ENDOG: variants seen among roughly 807,000 people sequenced by gnomAD.
The protein encoded by ENDOG is endonuclease G, mitochondrial.
ENDOG carries 22 observed loss-of-function variants against 22.6 expected under a neutral mutation model. That is an observed-to-expected ratio of 0.97 (90% confidence interval 0.70 to 1.39). ENDOG has a LOEUF of 1.39. Among genes scored for constraint, ENDOG ranks in the 40% most tolerant of loss-of-function variants. ENDOG has a pLI of 0.00. For missense variants in ENDOG, 403 were observed against 431.3 expected, an observed-to-expected ratio of 0.93 and a Z score of 0.58; for synonymous variants, 173 against 200.2, an observed-to-expected ratio of 0.86 and a Z score of 1.15.
chr9:128,819,167 G>C lies in ENDOG; in HGVS notation c.483G>C (p.Leu161=). The C allele has an allele frequency of 6.7e-7, 1 of 1,496,752 alleles. No homozygotes were observed. Among genetic ancestry groups the C allele is most frequent in the East Asian group, 2.8e-5 (1 of 35,226 alleles). 92.7% of individuals were successfully genotyped at this position (1,496,752 alleles called of 1,614,324 possible). Residue 161 remains leucine, a synonymous_variant, in exon 1 of 3, where the codon CTG becomes CTC. Coordinates refer to ENST00000372642, the MANE Select transcript of ENDOG (RefSeq NM_004435.2). ...AGGCCATGGACGACACGTTCTACCT[G>C]AGCAACGTCGCGCCCCAGGTAGCGC... is the stretch of plus-strand genomic sequence containing the variant. ...SQKAMDDTFY[L]SNVAPQVPHL... is the part of the protein sequence containing the mutation.
chr9:128,818,598 C>G lies in ENDOG; in HGVS notation c.-87C>G, dbSNP rs890522193. 5.0e-5 allele frequency: 53 copies of G among 1,057,702 alleles called. No individual in the cohort carries two copies. In the African/African-American group the frequency reaches 9.0e-4, roughly 18 times the overall value. The allele number at this position is 1,057,702 out of a possible 1,614,324, so 65.5% of individuals were successfully genotyped here. A position where few individuals can be genotyped will look rare whatever the true frequency, so the allele number is the denominator to read the frequency against. ...GGAGGTCACGCTATCGTCCGCGGCC[C>G]CAGCAGCCCTGTGCCCTCGTTGGAT... is the stretch of plus-strand genomic sequence containing the variant. On this transcript the variant is annotated 5_prime_UTR_variant, in exon 1 of 3. Transcript: ENST00000372642.
intron 1 of ENDOG, chr9:128,820,462 C>T (rs1399770413): frequency 6.8e-6 from 3 of 440,852 alleles, no homozygotes; most frequent in African/African-American, 3.9e-5. Context: ...CCTCAGTCCT[C>T]TCTGAAAGGT....
Position 128,822,619 on chromosome 9 carries a change from C to T in ENDOG, c.*9C>T. 1 of 1,565,046 alleles carries T rather than the reference C, an allele frequency of 6.4e-7. No homozygotes were observed. Among genetic ancestry groups the T allele is most frequent in the East Asian group, 2.3e-5 (1 of 42,788 alleles). The stretch of plus-strand genomic sequence containing the variant: ...CGGCGGGCAGTAAGTGAGGGTGGAG[C>T]CCAGTGAGACTGTGGGTGTGTGCAG... On this transcript the variant is annotated 3_prime_UTR_variant, in exon 3 of 3. Coordinates refer to ENST00000372642, the MANE Select transcript of ENDOG (RefSeq NM_004435.2).
Position 128,822,460 on chromosome 9 carries a change from G to A in ENDOG, c.744G>A (p.Val248=), listed in dbSNP as rs999045519. Residue 248 remains valine, a synonymous_variant, in exon 3 of 3, where the codon GTG becomes GTA. Coordinates refer to ENST00000372642, the MANE Select transcript of ENDOG (RefSeq NM_004435.2). ...AGGQIELRTY[V]MPNAPVDEAI... ...GGCAAATTGAGCTCCGCACCTACGT[G>A]ATGCCCAACGCACCTGTGGATGAGG... 4 of 1,577,276 alleles carry A rather than the reference G, an allele frequency of 2.5e-6. No homozygotes were observed. The highest frequency in any genetic ancestry group is 3.4e-6 in the Non-Finnish European group (4 of 1,161,258).
intron 1 of ENDOG, chr9:128,819,534 GCTGT>G (rs899648030): frequency 1.1e-5 from 3 of 272,736 alleles, no homozygotes; most frequent in Non-Finnish European, 2.1e-5. Flanking sequence ...GCAGAAGAAG[GCTGT>G]CTGTTGTAGA....
Position 128,818,774 on chromosome 9 carries a change from G to C in ENDOG, c.90G>C (p.Ala30=). The change falls in exon 1 of 3, where the codon GCG becomes GCC. Residue 30 remains alanine (A), a synonymous_variant. Transcript: ENST00000372642. ...VEGWRRRRED[A]RAAPGLLGRL... ...GCTGGCGGCGGCGGCGGGAGGACGC[G>C]CGGGCGGCGCCGGGACTGCTGGGCC... The C allele has an allele frequency of 8.4e-7, 1 of 1,185,926 alleles. No homozygotes were observed. Among genetic ancestry groups the C allele is most frequent in the Non-Finnish European group, 1.0e-6 (1 of 959,244 alleles). 73.5% of individuals were successfully genotyped at this position (1,185,926 alleles called of 1,614,324 possible). A position where few individuals can be genotyped will look rare whatever the true frequency, so the allele number is the denominator to read the frequency against.
At chr9:128,821,384 G>A (rs1303964009) in intron 2 of ENDOG, 1 of 164,044 alleles carries the variant, frequency 6.1e-6, no homozygotes, top group East Asian at 2.0e-4. Context: ...GAGCTCTCCC[G>A]CCTTCCCCAT....
At position 128,822,409 on chromosome 9, in the gene ENDOG, G is replaced by C. The variant is rs1375776762; in HGVS notation, c.693G>C (p.Lys231Asn). The change falls in exon 3 of 3, where the codon AAG (lysine) becomes AAC (asparagine). Residue 231 changes from lysine (K) to asparagine (N), a missense_variant. Coordinates refer to ENST00000372642, the MANE Select transcript of ENDOG (RefSeq NM_004435.2). Reference sequence around the variant, plus strand: ...TGGCAGTGCCCACACACTTCTTCAAGGTGCTGATCCTGGAGGCAGCAGGTG... The same window carrying C: ...TGGCAGTGCCCACACACTTCTTCAACGTGCTGATCCTGGAGGCAGCAGGTG... Reference protein sequence around the residue: ...NHVAVPTHFFKVLILEAAGGQ... With the variant: ...NHVAVPTHFFNVLILEAAGGQ... The C allele has an allele frequency of 6.2e-7, 1 of 1,611,298 alleles. No homozygotes were observed. Among genetic ancestry groups the C allele is most frequent in the Non-Finnish European group, 8.5e-7 (1 of 1,178,932 alleles).
intron 2 of ENDOG, chr9:128,821,159 C>T (rs1205403679): frequency 2.4e-6 from 1 of 409,002 alleles, no homozygotes; most frequent in African/African-American, 2.0e-5. Flanking sequence ...ATGGAACCCC[C>T]CGCAGGTCTG....
Position 128,818,760 on chromosome 9 carries a change from C to T in ENDOG, c.76C>T (p.Arg26Trp). 8.5e-7 allele frequency: 1 copy of T among 1,177,516 alleles called. No individual in the cohort carries two copies. The highest frequency in any genetic ancestry group is 4.2e-5 in the South Asian group (1 of 23,908). The allele number at this position is 1,177,516 out of a possible 1,614,324, so 72.9% of individuals were successfully genotyped here. The change falls in exon 1 of 3, where the codon CGG becomes TGG. Residue 26 changes from arginine to tryptophan, a missense_variant. Transcript: ENST00000372642. ...TGCGGTCGTCGAGGGCTGGCGGCGG[C>T]GGCGGGAGGACGCGCGGGCGGCGCC... ...LGAVVEGWRR[R>W]REDARAAPGL...
In ENDOG at chr9:128,820,786, C is replaced by T; in HGVS notation, c.549C>T (p.Ser183=). The T allele has an allele frequency of 6.2e-7, 1 of 1,612,540 alleles. No homozygotes were observed. Among genetic ancestry groups the T allele is most frequent in the Non-Finnish European group, 8.5e-7 (1 of 1,179,352 alleles). ...QNAWNNLEKY[S]RSLTRSYQNV... is the part of the protein sequence containing the mutation. Reference sequence around the variant, plus strand: ...CCTGGAACAACCTGGAGAAATATAGCCGCAGCTTGACCCGCAGCTACCAAA... The same window carrying T: ...CCTGGAACAACCTGGAGAAATATAGTCGCAGCTTGACCCGCAGCTACCAAA... The change falls in exon 2 of 3, where the codon AGC becomes AGT. Residue 183 remains serine (S), a synonymous_variant. Transcript: ENST00000372642.
chr9:128,818,577 G>A lies in ENDOG; in HGVS notation c.-108G>A, dbSNP rs986769164. On this transcript the variant is annotated 5_prime_UTR_variant, in exon 1 of 3. Transcript: ENST00000372642. ...GGCAGTGTTTGTGAGTGGAAGGGAG[G>A]TCACGCTATCGTCCGCGGCCCCAGC... 1.9e-6 allele frequency: 2 copies of A among 1,038,084 alleles called. No homozygotes were observed. The highest frequency in any genetic ancestry group is 1.7e-5 in the African/African-American group (1 of 58,072). The allele number at this position is 1,038,084 out of a possible 1,614,324, so 64.3% of individuals were successfully genotyped here.
intron 2 of ENDOG, 112 bp from the exon 3 acceptor site, chr9:128,822,216 T>A: frequency 7.6e-7 from 1 of 1,308,310 alleles, no homozygotes; most frequent in South Asian, 1.4e-5. Flanking sequence ...AGTGAGGGCG[T>A]GGTCCTGCAG....
At chr9:128,821,700 G>A (rs945833569) in intron 2 of ENDOG, 3 of 159,808 alleles carry the variant, frequency 1.9e-5, no homozygotes, top group Admixed American at 1.2e-4. Context: ...TCGGGATGGA[G>A]TCCAGGCCTC....
chr9:128,819,286 C>T, intron 1 of ENDOG, 101 bp downstream of exon 1: 1 of 1,362,068 alleles, frequency 7.3e-7, no homozygotes, highest in Non-Finnish European at 9.4e-7. Context: ...CTGCCCAACG[C>T]GCCCCCGGTC....
chr9:128,822,090 G>A (rs181223929), intron 2 of ENDOG: 2 of 575,122 alleles, frequency 3.5e-6, no homozygotes, highest in Admixed American at 6.1e-5. Flanking sequence ...AGCGTTTATT[G>A]TCGCCCACTC....
At chr9:128,820,941 C>T in intron 2 of ENDOG, 93 bp downstream of exon 2, 1 of 1,143,810 alleles carries the variant, frequency 8.7e-7, no homozygotes, top group Non-Finnish European at 1.3e-6. Context: ...GGCTCTGGGT[C>T]AATACCAGTT....
intron 2 of ENDOG, 146 bp from the exon 3 acceptor site, chr9:128,822,182 C>A: frequency 1.1e-6 from 1 of 928,824 alleles, no homozygotes; most frequent in Non-Finnish European, 1.6e-6. Flanking sequence ...CAAGGAGGAG[C>A]CAGGCAGGCT....
intron 1 of ENDOG, 32 bp from the exon 2 acceptor site, chr9:128,820,705 CCA>C: frequency 6.4e-7 from 1 of 1,569,478 alleles, no homozygotes. Context: ...AGGGTCCCAG[CCA>C]CAGTCCTGCT....
Sources: allele counts gnomAD v4.1 joint callset, GRCh38; gene constraint gnomAD v4.1.1; transcripts MANE v1.5; gene names NCBI Gene and HGNC (gene_info 2026-07-23, HGNC 2026-07-21).